The following RARB variants were observed in gnomAD, a reference collection of about 807,000 sequenced individuals.
The protein encoded by RARB is retinoic acid receptor beta.
Under a neutral mutation model 51.9 loss-of-function variants are expected in RARB, and 17 were observed. The ratio of observed to expected loss-of-function variants is 0.33; its 90% CI spans 0.22 to 0.49. The LOEUF (loss-of-function observed/expected upper bound fraction) is 0.49, where lower values mean the gene tolerates loss of function less well. RARB is among the 20% of genes least tolerant of loss of function. The pLI is 0.99. For missense variants in RARB, 369 were observed against 550.8 expected (o/e 0.67, Z 3.30); for synonymous variants, 215 against 195.4 (o/e 1.10, Z -0.84).
intron 2 of RARB, among the ~76,000 whole-genome samples, chr3:24,864,641 T>A (rs1389003434): frequency 6.6e-6 from 1 of 152,184 alleles, no homozygotes; most frequent in Non-Finnish European, 1.5e-5. Flanking sequence ...CCACAGACTA[T>A]GGCTGGTAGG....
At chr3:24,844,428 G>A (rs1008935839) in intron 1 of RARB, among the ~76,000 whole-genome samples, 6 of 152,194 alleles carry the variant, frequency 3.9e-5, no homozygotes, top group African/African-American at 1.4e-4. Context: ...TCCCACGTCT[G>A]CAACTAACCT....
intron 5 of RARB, among the ~76,000 whole-genome samples, chr3:25,385,754 T>C (rs1334698273): frequency 6.6e-6 from 1 of 152,180 alleles, no homozygotes; most frequent in Non-Finnish European, 1.5e-5. Context: ...TTCTCCTTCA[T>C]TCCCTTTCTG....
intron 4 of RARB, among the ~76,000 whole-genome samples, chr3:25,173,609 G>C (rs1236213196): frequency 6.6e-6 from 1 of 152,112 alleles, no homozygotes; most frequent in Non-Finnish European, 1.5e-5. Context: ...AGTAAAATTT[G>C]GAAGCATATC....
At chr3:25,260,149 G>A (rs1367489647) in intron 5 of RARB, among the ~76,000 whole-genome samples, 1 of 152,098 alleles carries the variant, frequency 6.6e-6, no homozygotes, top group Non-Finnish European at 1.5e-5. Context: ...CTGATACCCG[G>A]TGGGCAGTGT....
intron 3 of RARB, among the ~76,000 whole-genome samples, chr3:25,066,362 A>G (rs1698662238): frequency 6.6e-6 from 1 of 152,228 alleles, no homozygotes; most frequent in African/African-American, 2.4e-5. Flanking sequence ...TGTTACTATC[A>G]AATTTATTAT....
At chr3:25,296,904 G>A (rs1012109386) in intron 5 of RARB, among the ~76,000 whole-genome samples, 3 of 152,300 alleles carry the variant, frequency 2.0e-5, no homozygotes, top group Middle Eastern at 3.4e-3. Flanking sequence ...ATATTTTGCA[G>A]GAGTGAGAAG....
At chr3:25,233,192 C>G (rs922416484) in intron 5 of RARB, among the ~76,000 whole-genome samples, 40 of 151,902 alleles carry the variant, frequency 2.6e-4, no homozygotes, top group African/African-American at 8.9e-4. Flanking sequence ...AGCTCCTAGC[C>G]TCATGATCCA....
chr3:25,436,406 T>G (rs1162800293), intron 1 of RARB, among the ~76,000 whole-genome samples: 1 of 152,266 alleles, frequency 6.6e-6, no homozygotes, highest in East Asian at 1.9e-4. Flanking sequence ...TGGAACTGTT[T>G]CATGTTTGTC....
At position 25,027,563 on chromosome 3, in the gene RARB, G is replaced by A. The variant is rs545532917; in HGVS notation, c.-379-32562G>A. 5.9e-5 allele frequency among the ~76,000 whole-genome samples: 9 copies of A among 152,126 alleles called. No individual in the cohort carries two copies. The East Asian group carries it at 1.5e-3, about 26-fold the overall frequency. ...GGGGAAACAGCCATAATTGAGGTGA[G>A]TATCTATCCCTCACATATGACAGTC... On this transcript the variant is annotated intron_variant, in intron 2 of 11. Coordinates refer to the RARB transcript ENST00000383772.
chr3:25,553,217 A>T (rs1398834271), intron 3 of RARB, among the ~76,000 whole-genome samples: 1 of 151,352 alleles, frequency 6.6e-6, no homozygotes, highest in Non-Finnish European at 1.5e-5. Flanking sequence ...CTACCTACAG[A>T]CTTTTCTGGC....
intron 2 of RARB, among the ~76,000 whole-genome samples, chr3:25,003,976 A>G (rs908624625): frequency 1.3e-5 from 2 of 152,172 alleles, no homozygotes; most frequent in African/African-American, 4.8e-5. Context: ...GCATAATAGC[A>G]TAGAATAGGC....
intron 3 of RARB, among the ~76,000 whole-genome samples, chr3:25,130,488 T>A (rs1265949625): frequency 1.3e-5 from 2 of 152,144 alleles, no homozygotes; most frequent in South Asian, 2.1e-4. Context: ...CATTTTTTTT[T>A]AATAAAATAG....
chr3:25,085,531 A>C (rs1459115266), intron 3 of RARB, among the ~76,000 whole-genome samples: 1 of 152,034 alleles, frequency 6.6e-6, no homozygotes, highest in Non-Finnish European at 1.5e-5. Flanking sequence ...TTCTTACTCT[A>C]GGCTCTCATC....
At position 25,303,215 on chromosome 3, in the gene RARB, T is replaced by C. The variant is rs144549435; in HGVS notation, c.178+128640T>C. Among the ~76,000 whole-genome samples the C allele has an allele frequency of 3.4e-3, 522 of 152,264 alleles. 2 individuals carry two copies. Among genetic ancestry groups the C allele is most frequent in the African/African-American group, 0.012 (492 of 41,546 alleles). On this transcript the variant is annotated intron_variant, in intron 5 of 11. Transcript: ENST00000383772. ...CTTTGGGAGGTATTATTGTCTCCAT[T>C]CGCAGGTGAGAAAACCCAAGTCAGA...
chr3:25,500,454 G>GTTTTTTTTTTTT lies in RARB; in HGVS notation c.307-712_307-701dup, dbSNP rs753321842. ...ATAATTTCTTTTTCTTTCTTTTCTT[G>GTTTTTTTTTTTT]TTTTTTTTTTTTTTTTTTTTTTTTT... On this transcript the variant is annotated intron_variant, in intron 2 of 7. Coordinates refer to ENST00000330688, the MANE Select transcript of RARB (RefSeq NM_000965.5). 4.1e-3 allele frequency among the ~76,000 whole-genome samples: 270 copies of GTTTTTTTTTTTT among 66,058 alleles called. 7 individuals carry two copies. The highest frequency in any genetic ancestry group is 6.1e-3 in the African/African-American group (108 of 17,676). The allele number at this position is 66,058 out of a possible 152,430, so 43.3% of individuals were successfully genotyped here. A position where few individuals can be genotyped will look rare whatever the true frequency, so the allele number is the denominator to read the frequency against.
Position 25,474,280 on chromosome 3 carries a change from G to T in RARB, c.306+12939G>T, listed in dbSNP as rs180862975. 3.4e-3 allele frequency among the ~76,000 whole-genome samples: 525 copies of T among 152,230 alleles called. 5 individuals carry two copies. Among genetic ancestry groups the T allele is most frequent in the Middle Eastern group, 6.8e-3 (2 of 294 alleles). ...ATTCCTCAGGGAAATGAGAATTTTTGTTTGGATCTTACTTCTCTGTATTGT... is the reference window on the plus strand; with the variant it reads ...ATTCCTCAGGGAAATGAGAATTTTTTTTTGGATCTTACTTCTCTGTATTGT... On this transcript the variant is annotated intron_variant, in intron 2 of 7. Coordinates refer to ENST00000330688, the MANE Select transcript of RARB (RefSeq NM_000965.5).
At chr3:25,404,278 T>C (rs1169637743) in intron 5 of RARB, among the ~76,000 whole-genome samples, 2 of 152,156 alleles carry the variant, frequency 1.3e-5, no homozygotes, top group African/African-American at 4.8e-5. Context: ...TTTCAAGGTG[T>C]TGGCTGCACT....
intron 5 of RARB, among the ~76,000 whole-genome samples, chr3:25,403,612 G>A (rs981999990): frequency 5.9e-5 from 9 of 151,898 alleles, no homozygotes; most frequent in African/African-American, 2.2e-4. Flanking sequence ...TTTAGAACCA[G>A]AATAAAAATA....
chr3:25,400,288 G>A (rs928727213), intron 5 of RARB, among the ~76,000 whole-genome samples: 14 of 152,102 alleles, frequency 9.2e-5, no homozygotes, highest in Non-Finnish European at 1.3e-4. Flanking sequence ...CCCAGTGATC[G>A]TGATGAAATA....
Sources: allele counts gnomAD v4.1 joint callset (sites outside exome capture counted in the v4.1 genomes callset), GRCh38; gene constraint gnomAD v4.1.1; transcripts MANE v1.5; gene names NCBI Gene and HGNC (gene_info 2026-07-23, HGNC 2026-07-21).